Variants in SAMMSON observed in about 807,000 individuals in gnomAD.
The protein encoded by SAMMSON is long intergenic non-protein coding RNA 1212.
At chr3:70,091,581 T>C (rs746648102) in intron 4 of SAMMSON, among the ~76,000 whole-genome samples, 5 of 152,194 alleles carry the variant, frequency 3.3e-5, no homozygotes, top group Non-Finnish European at 5.9e-5. Flanking sequence ...CCTTGAGCAA[T>C]TCCCTTCCAA....
At chr3:70,028,759 G>A (rs886253293) in intron 3 of SAMMSON, among the ~76,000 whole-genome samples, 1 of 152,164 alleles carries the variant, frequency 6.6e-6, no homozygotes, top group African/African-American at 2.4e-5. Context: ...CATTCTTTGG[G>A]CATACTCAAA....
chr3:70,048,421 A>C (rs1276400335), intron 3 of SAMMSON, among the ~76,000 whole-genome samples: 1 of 152,076 alleles, frequency 6.6e-6, no homozygotes, highest in Admixed American at 6.6e-5. Flanking sequence ...ATTACACATA[A>C]ATTTTTATTA....
chr3:70,291,872 T>C (rs993973919), intron 7 of SAMMSON: 3 of 152,224 alleles, frequency 2.0e-5, no homozygotes, highest in Admixed American at 6.5e-5. Flanking sequence ...CCTGGAAGAA[T>C]GTAGGAGTCT....
chr3:70,024,483 G>A (rs1159333608), intron 3 of SAMMSON, among the ~76,000 whole-genome samples: 1 of 152,128 alleles, frequency 6.6e-6, no homozygotes, highest in Non-Finnish European at 1.5e-5. Context: ...ATGAAATGTA[G>A]GATTTGAGAA....
chr3:70,002,172 A>G (rs2066908495), intron 1 of SAMMSON, among the ~76,000 whole-genome samples: 1 of 152,190 alleles, frequency 6.6e-6, no homozygotes, highest in Non-Finnish European at 1.5e-5. Context: ...GTCTGTATAC[A>G]GTATATATTC....
At chr3:70,223,245 A>G (rs1455406564) in intron 4 of SAMMSON, among the ~76,000 whole-genome samples, 1 of 152,124 alleles carries the variant, frequency 6.6e-6, no homozygotes, top group Non-Finnish European at 1.5e-5. Flanking sequence ...CCACAAAGCA[A>G]TCGAAACTCA....
chr3:70,085,698 G>T (rs774475749), intron 4 of SAMMSON, among the ~76,000 whole-genome samples: 3 of 152,148 alleles, frequency 2.0e-5, no homozygotes, highest in South Asian at 4.1e-4. Context: ...AGCATAATAT[G>T]GTTGTTGTTA....
intron 4 of SAMMSON, among the ~76,000 whole-genome samples, chr3:70,211,638 T>G (rs1701350542): frequency 1.5e-5 from 2 of 136,802 alleles, no homozygotes; most frequent in African/African-American, 5.5e-5. Context: ...TCCCTTCCCT[T>G]CCCTTTGCCT....
intron 6 of SAMMSON, among the ~76,000 whole-genome samples, chr3:70,259,620 A>G (rs1039831476): frequency 1.3e-5 from 2 of 152,096 alleles, no homozygotes; most frequent in Admixed American, 1.3e-4. Context: ...TCTTTTAACC[A>G]TCTCTACACC....
intron 3 of SAMMSON, chr3:70,030,356 C>T (rs1457527741): frequency 4.6e-5 from 7 of 152,142 alleles, no homozygotes; most frequent in Admixed American, 1.3e-4. Context: ...TTGCTGGCCA[C>T]CTTAAGAGAC....
intron 4 of SAMMSON, among the ~76,000 whole-genome samples, chr3:70,146,519 A>G (rs1443814306): frequency 6.6e-6 from 1 of 152,040 alleles, no homozygotes; most frequent in African/African-American, 2.4e-5. Flanking sequence ...GTTAAAAGTC[A>G]ATCAATGTAA....
At chr3:70,324,191 C>CTA in intron 7 of SAMMSON, among the ~76,000 whole-genome samples, 2 of 117,474 alleles carry the variant, frequency 1.7e-5, no homozygotes, top group Admixed American at 1.6e-4. Context: ...ATCTATCTAT[C>CTA]TATCTATCAT....
At chr3:70,234,552 A>T (rs1443463921) in intron 4 of SAMMSON, among the ~76,000 whole-genome samples, 2 of 151,880 alleles carry the variant, frequency 1.3e-5, no homozygotes, top group African/African-American at 4.8e-5. Context: ...AGGTGGGAGG[A>T]TCACTTGAGC....
At chr3:70,291,995 A>G (rs1236869300) in intron 7 of SAMMSON, 2 of 152,212 alleles carry the variant, frequency 1.3e-5, no homozygotes, top group Non-Finnish European at 2.9e-5. Flanking sequence ...TCTATCATAT[A>G]CAAGACACGA....
chr3:70,225,654 A>C (rs1701497394), intron 4 of SAMMSON, among the ~76,000 whole-genome samples: 1 of 152,266 alleles, frequency 6.6e-6, no homozygotes, highest in Non-Finnish European at 1.5e-5. Context: ...CACAAGAAAC[A>C]CTGTTTCCCT....
intron 4 of SAMMSON, among the ~76,000 whole-genome samples, chr3:70,118,325 T>C (rs1404604816): frequency 6.6e-6 from 1 of 152,218 alleles, no homozygotes; most frequent in East Asian, 1.9e-4. Context: ...AATTACCAGA[T>C]AGTTTCTCCA....
chr3:70,056,829 A>G (rs1244223478), intron 3 of SAMMSON, among the ~76,000 whole-genome samples: 1 of 152,056 alleles, frequency 6.6e-6, no homozygotes, highest in Non-Finnish European at 1.5e-5. Context: ...TATCAGTTGC[A>G]TATATTTTTC....
intron 6 of SAMMSON, among the ~76,000 whole-genome samples, chr3:70,275,005 C>A (rs548502759): frequency 2.0e-5 from 3 of 152,112 alleles, no homozygotes; most frequent in African/African-American, 7.2e-5. Flanking sequence ...ATTCTCAGAA[C>A]CTTGTTTCTC....
intron 9 of SAMMSON, among the ~76,000 whole-genome samples, chr3:70,375,318 A>G (rs564986005): frequency 2.0e-5 from 3 of 150,746 alleles, no homozygotes; most frequent in Admixed American, 6.6e-5. Flanking sequence ...CAAACGCTCA[A>G]TAGTGTTTAT....
Sources: allele counts gnomAD v4.1 joint callset (sites outside exome capture counted in the v4.1 genomes callset), GRCh38; gene constraint gnomAD v4.1.1; transcripts MANE v1.5; gene names NCBI Gene and HGNC (gene_info 2026-07-23, HGNC 2026-07-21).